Variants in HNRNPR observed in about 807,000 individuals in gnomAD.
HNRNPR encodes heterogeneous nuclear ribonucleoprotein R.
In HNRNPR, 4 loss-of-function variants were observed where a neutral mutation model predicts 70.3. That is an observed-to-expected ratio of 0.06 (90% CI 0.03 to 0.13). The LOEUF (loss-of-function observed/expected upper bound fraction) is 0.13. Among genes scored for constraint, HNRNPR ranks in the 10% least tolerant of loss-of-function variants. The probability of loss-of-function intolerance (pLI) is 1.00; values close to 1 mark genes in which losing one functional copy is unlikely to be tolerated. For missense variants in HNRNPR, 423 were observed against 788.5 expected, an observed-to-expected ratio of 0.54 and a Z score of 5.55; for synonymous variants, 241 against 267.6, an observed-to-expected ratio of 0.90 and a Z score of 0.97.
chr1:23,339,516 G>A (rs1646630721), intron 2 of HNRNPR, among the ~76,000 whole-genome samples: 2 of 152,044 alleles, frequency 1.3e-5, no homozygotes, highest in African/African-American at 4.8e-5. Flanking sequence ...ATTTACATAT[G>A]GAATATATTT....
rs1377285281 is a variant in HNRNPR, at chr1:23,308,711, T to C, written c.*1743A>G. ...TGTACTTTGAAAAAGAAATGAAATA[T>C]ATTGACTTTCATCAGTAAATAGTAA... On this transcript the variant is annotated 3_prime_UTR_variant, in exon 11 of 11. Coordinates refer to ENST00000302271, the MANE Select transcript of HNRNPR (RefSeq NM_005826.5). The C allele has an allele frequency of 6.6e-6, 1 of 152,082 alleles. No individual in the cohort carries two copies. Among genetic ancestry groups the C allele is most frequent in the Non-Finnish European group, 1.5e-5 (1 of 67,914 alleles). The allele number at this position is 152,082 out of a possible 1,614,324, so 9.4% of individuals were successfully genotyped here.
intron 8 of HNRNPR, among the ~76,000 whole-genome samples, chr1:23,316,231 G>A (rs1645539500): frequency 1.3e-5 from 2 of 152,176 alleles, no homozygotes; most frequent in African/African-American, 4.8e-5. Flanking sequence ...CTTAAGCCCA[G>A]GAGTTCAAGG....
rs1401874661 is a variant in HNRNPR, at chr1:23,338,485, C to A, written c.276+5G>T. On this transcript the variant is annotated splice_donor_5th_base_variant and intron_variant, in intron 3 of 10. Coordinates refer to ENST00000302271, the MANE Select transcript of HNRNPR (RefSeq NM_005826.5). ...TTCAAAGACATTTCTGAGTAACGAC[C>A]TTACCTGAACATGTGATAAGTCACT... 2 of 1,222,080 alleles carry A rather than the reference C, an allele frequency of 1.6e-6. No individual in the cohort carries two copies. The highest frequency in any genetic ancestry group is 1.2e-6 in the Non-Finnish European group (1 of 869,194). 75.7% of individuals were successfully genotyped at this position (1,222,080 alleles called of 1,614,324 possible).
At chr1:23,340,310 TAAA>T (rs568728261) in intron 2 of HNRNPR, among the ~76,000 whole-genome samples, 4 of 140,748 alleles carry the variant, frequency 2.8e-5, no homozygotes, top group Non-Finnish European at 3.1e-5. Flanking sequence ...ACTTCTGGAT[TAAA>T]AAAAAAAAAA....
intron 6 of HNRNPR, 78 bp from the exon 7 acceptor site, chr1:23,321,741 A>C: frequency 6.9e-7 from 1 of 1,443,220 alleles, no homozygotes; most frequent in Non-Finnish European, 9.3e-7. Context: ...AAAATTCAAC[A>C]ATTTAAGGCC....
chr1:23,339,624 G>A (rs1040562289), intron 2 of HNRNPR, among the ~76,000 whole-genome samples: 2 of 152,054 alleles, frequency 1.3e-5, no homozygotes, highest in African/African-American at 2.4e-5. Flanking sequence ...AAGCTAAAAA[G>A]AACTTTATTC....
chr1:23,324,736 C>T (rs573935874), intron 5 of HNRNPR, among the ~76,000 whole-genome samples: 58 of 152,064 alleles, frequency 3.8e-4, no homozygotes, highest in African/African-American at 1.1e-3. Flanking sequence ...AAATTATATA[C>T]GATTAAATTA....
chr1:23,331,448 G>A (rs1483941714), intron 5 of HNRNPR, among the ~76,000 whole-genome samples: 3 of 150,314 alleles, frequency 2.0e-5, no homozygotes, highest in Non-Finnish European at 3.0e-5. Flanking sequence ...TTGGGAGGCC[G>A]AGGCAGGCAG....
intron 8 of HNRNPR, among the ~76,000 whole-genome samples, chr1:23,317,871 T>C (rs1455249173): frequency 3.3e-5 from 5 of 151,928 alleles, no homozygotes; most frequent in South Asian, 4.2e-4. Flanking sequence ...TCCCAGCTAC[T>C]TGGGAGGCTG....
chr1:23,337,400 T>A (rs996724627), intron 4 of HNRNPR, among the ~76,000 whole-genome samples: 2 of 152,230 alleles, frequency 1.3e-5, no homozygotes, highest in Admixed American at 1.3e-4. Flanking sequence ...GGCTCACGTC[T>A]GTAATCCCAG....
chr1:23,330,505 A>G (rs149886316), intron 5 of HNRNPR, among the ~76,000 whole-genome samples: 337 of 152,300 alleles, frequency 2.2e-3, no homozygotes, highest in African/African-American at 7.7e-3. Flanking sequence ...ATTACACTCC[A>G]GCCTGGGCGA....
intron 4 of HNRNPR, among the ~76,000 whole-genome samples, chr1:23,334,306 G>A (rs1358532254): frequency 8.3e-5 from 12 of 145,424 alleles, no homozygotes; most frequent in Non-Finnish European, 1.0e-4. Context: ...GCGCGATCTC[G>A]GCTCACTGCA....
intron 8 of HNRNPR, among the ~76,000 whole-genome samples, chr1:23,314,173 A>G (rs559653008): frequency 6.6e-6 from 1 of 152,300 alleles, no homozygotes; most frequent in South Asian, 2.1e-4. Context: ...GTGTTAAATT[A>G]GAAAAAAAGG....
Position 23,340,913 on chromosome 1 carries a change from T to A in HNRNPR, c.96A>T (p.Thr32=). Residue 32 remains threonine, a synonymous_variant, in exon 2 of 11, where the codon ACA becomes ACT. Transcript: ENST00000302271. Reference sequence around the variant, plus strand: ...TCTGTGGGAGGCCTGCCTCTATCAGTGTCTTGTAGTGTTCTGTGTGAGTTA... The same window carrying A: ...TCTGTGGGAGGCCTGCCTCTATCAGAGTCTTGTAGTGTTCTGTGTGAGTTA... ...SSVTHTEHYK[T]LIEAGLPQKV... is the part of the protein sequence containing the mutation. The A allele has an allele frequency of 1.9e-6, 3 of 1,612,744 alleles. No homozygotes were observed. The highest frequency in any genetic ancestry group is 2.5e-6 in the Non-Finnish European group (3 of 1,179,252).
chr1:23,338,070 C>T (rs1229542404), intron 3 of HNRNPR: 10 of 457,450 alleles, frequency 2.2e-5, no homozygotes, highest in Non-Finnish European at 3.9e-5. Flanking sequence ...TACCTTCTAC[C>T]CTGGGAAAAC....
intron 8 of HNRNPR, among the ~76,000 whole-genome samples, chr1:23,314,714 A>G (rs1162837433): frequency 6.6e-6 from 1 of 152,234 alleles, no homozygotes; most frequent in Non-Finnish European, 1.5e-5. Context: ...GAATGAGGAA[A>G]ATAATTCTCT....
chr1:23,326,972 A>G (rs1646012403), intron 5 of HNRNPR, among the ~76,000 whole-genome samples: 1 of 152,180 alleles, frequency 6.6e-6, no homozygotes, highest in Non-Finnish European at 1.5e-5. Flanking sequence ...GATTTTTTCT[A>G]AAAATCAAAA....
rs1183839557 is a variant in HNRNPR, at chr1:23,340,948, T to C, written c.61A>G (p.Thr21Ala). Residue 21 changes from threonine (T) to alanine (A), a missense_variant, in exon 2 of 11, where the codon ACT (threonine) becomes GCT (alanine). This residue lies in a region of HNRNPR where 44 missense variants were observed against 89.0 expected (regional missense o/e 0.49). Coordinates refer to ENST00000302271, the MANE Select transcript of HNRNPR (RefSeq NM_005826.5). ...QLKEEEEPMD[T>A]SSVTHTEHYK... ...TGTTCTGTGTGAGTTACACTGGAAGTATCCATTGGTTCTTCCTCTTCTTTT... is the reference window on the plus strand; with the variant it reads ...TGTTCTGTGTGAGTTACACTGGAAGCATCCATTGGTTCTTCCTCTTCTTTT... 1.9e-6 allele frequency: 3 copies of C among 1,610,864 alleles called. No homozygotes were observed. The highest frequency in any genetic ancestry group is 2.2e-5 in the East Asian group (1 of 44,846).
intron 2 of HNRNPR, among the ~76,000 whole-genome samples, chr1:23,339,408 T>C (rs1347733460): frequency 2.0e-5 from 3 of 152,236 alleles, no homozygotes; most frequent in South Asian, 2.1e-4. Context: ...ACAGAAAATA[T>C]ATACACTGCA....
Sources: allele counts gnomAD v4.1 joint callset (sites outside exome capture counted in the v4.1 genomes callset), GRCh38; gene constraint gnomAD v4.1.1; regional missense constraint gnomAD v4.1.1; transcripts MANE v1.5; gene names NCBI Gene and HGNC (gene_info 2026-07-23, HGNC 2026-07-21).